ZNF267: variants seen among roughly 807,000 people sequenced by gnomAD.
ZNF267 encodes zinc finger (C2H2).
In ZNF267, 61 loss-of-function variants were observed where a neutral mutation model predicts 71.6. The ratio of observed to expected loss-of-function variants is 0.85; its 90% CI spans 0.69 to 1.05. The LOEUF (loss-of-function observed/expected upper bound fraction) is 1.05, where lower values mean the gene tolerates loss of function less well. ZNF267 is among the 50% of genes least tolerant of loss of function. The pLI is 0.00. For missense variants in ZNF267, 852 were observed against 870.0 expected, an observed-to-expected ratio of 0.98 and a Z score of 0.26; for synonymous variants, 288 against 293.2, an observed-to-expected ratio of 0.98 and a Z score of 0.18.
rs745851941 is a variant in ZNF267, at chr16:31,873,823, T to C, written c.-144T>C. ...GTCGGCTCCAGTTAGAGCTCGGGTC[T>C]CCTCGCCACAGCTCCGAGTCTTTCG... is the stretch of plus-strand genomic sequence containing the variant. On this transcript the variant is annotated 5_prime_UTR_variant, in exon 1 of 4. Coordinates refer to ENST00000300870, the MANE Select transcript of ZNF267 (RefSeq NM_003414.6). 8.6e-7 allele frequency: 1 copy of C among 1,159,318 alleles called. No homozygotes were observed. Among genetic ancestry groups the C allele is most frequent in the Non-Finnish European group, 1.3e-6 (1 of 784,346 alleles). The allele number at this position is 1,159,318 out of a possible 1,614,324, so 71.8% of individuals were successfully genotyped here.
intron 3 of ZNF267, among the ~76,000 whole-genome samples, chr16:31,892,118 G>A (rs2083964190): frequency 6.6e-6 from 1 of 152,130 alleles, no homozygotes; most frequent in Admixed American, 6.5e-5. Context: ...ATTTACAAAA[G>A]AAAGAGGTTT....
chr16:31,875,966 TCTTTTTTTG>T (rs538439524), intron 1 of ZNF267, among the ~76,000 whole-genome samples: 161 of 152,348 alleles, frequency 1.1e-3, no homozygotes, highest in African/African-American at 3.8e-3. Context: ...TCAGGTTTGT[TCTTTTTTTG>T]GGAGTAATTT....
chr16:31,915,318 A>T lies in ZNF267; in HGVS notation c.1069A>T (p.Lys357Ter). The change falls in exon 4 of 4, where the codon AAG becomes TAG. Residue 357 changes from lysine to a stop codon, truncating the protein, a stop_gained. Transcript: ENST00000300870. LOFTEE classifies it high-confidence loss of function. ...ACCCTGTAAATGGAAAGAATGTGGC[A>T]AGGTCTTTAACCTTAACTGTAGTTT... Reference protein sequence around the residue: ...EKPCKWKECGKVFNLNCSLYL... With the variant: ...EKPCKWKECG The T allele has an allele frequency of 2.5e-6, 4 of 1,613,966 alleles. No homozygotes were observed. The highest frequency in any genetic ancestry group is 3.4e-6 in the Non-Finnish European group (4 of 1,179,924).
intron 3 of ZNF267, 30 bp downstream of exon 3, chr16:31,885,286 TG>T: frequency 1.3e-6 from 2 of 1,589,102 alleles, no homozygotes; most frequent in South Asian, 2.3e-5. Flanking sequence ...GTAGATGACA[TG>T]GGCGAGAGGT....
At chr16:31,888,161 TC>T (rs1301600447) in intron 3 of ZNF267, among the ~76,000 whole-genome samples, 1 of 152,046 alleles carries the variant, frequency 6.6e-6, no homozygotes, top group Non-Finnish European at 1.5e-5. Context: ...GTAACTTTTT[TC>T]TCAGTTTATT....
chr16:31,891,822 T>C (rs903291021), intron 3 of ZNF267, among the ~76,000 whole-genome samples: 1 of 152,132 alleles, frequency 6.6e-6, no homozygotes, highest in Non-Finnish European at 1.5e-5. Flanking sequence ...AACGGAGTAA[T>C]ACAGTAAATT....
chr16:31,901,484 G>A (rs371082920), intron 3 of ZNF267, among the ~76,000 whole-genome samples: 1 of 152,118 alleles, frequency 6.6e-6, no homozygotes. Context: ...TTTAATGATC[G>A]CCATTCTAAC....
intron 2 of ZNF267, 37 bp from the exon 3 acceptor site, chr16:31,885,124 C>T (rs1219325563): frequency 5.9e-6 from 9 of 1,515,704 alleles, no homozygotes; most frequent in East Asian, 2.3e-5. Context: ...AAAAAGAACC[C>T]TCATTAAGAG....
intron 3 of ZNF267, chr16:31,913,672 T>TC (rs1460732139): frequency 6.6e-6 from 1 of 152,236 alleles, no homozygotes; most frequent in Non-Finnish European, 1.5e-5. Context: ...ACAACATCCT[T>TC]ACCACTCCTC....
intron 3 of ZNF267, chr16:31,912,168 G>A (rs1219851679): frequency 2.0e-5 from 3 of 151,582 alleles, no homozygotes; most frequent in South Asian, 4.2e-4. Context: ...ACTTCTTATT[G>A]TTCATTAACA....
At position 31,916,268 on chromosome 16, in the gene ZNF267, A is replaced by T; in HGVS notation, c.2019A>T (p.Ser673=). The T allele has an allele frequency of 1.3e-5, 21 of 1,614,152 alleles. No individual in the cohort carries two copies. Among genetic ancestry groups the T allele is most frequent in the Non-Finnish European group, 1.7e-5 (20 of 1,180,004 alleles). Residue 673 remains serine (S), a synonymous_variant, in exon 4 of 4, where the codon TCA becomes TCT. Coordinates refer to ENST00000300870, the MANE Select transcript of ZNF267 (RefSeq NM_003414.6). The part of the protein sequence containing the change: ...EECGKAFNSR[S]YLTTHRRRHT... ...GTGGCAAAGCCTTCAACTCTAGGTC[A>T]TACCTCACTACACATCGGAGAAGAC...
chr16:31,895,212 A>C (rs960872272), intron 3 of ZNF267, among the ~76,000 whole-genome samples: 2 of 152,250 alleles, frequency 1.3e-5, no homozygotes, highest in Non-Finnish European at 1.5e-5. Context: ...ATTGGTAGAC[A>C]AAGTATTTGC....
At chr16:31,903,744 G>A (rs1316322568) in intron 3 of ZNF267, among the ~76,000 whole-genome samples, 1 of 152,154 alleles carries the variant, frequency 6.6e-6, no homozygotes, top group Non-Finnish European at 1.5e-5. Flanking sequence ...CCAGCTCCTG[G>A]ATTCATTGAT....
At position 31,873,858 on chromosome 16, in the gene ZNF267, G is replaced by T; in HGVS notation, c.-109G>T. 6.8e-7 allele frequency: 1 copy of T among 1,479,722 alleles called. No homozygotes were observed. Among genetic ancestry groups the T allele is most frequent in the Non-Finnish European group, 9.4e-7 (1 of 1,060,908 alleles). The allele number at this position is 1,479,722 out of a possible 1,614,324, so 91.7% of individuals were successfully genotyped here. ...AGCTCCGAGTCTTTCGTTCTGGGAG[G>T]CCCAGGCGGCTTCGCGTTCTGAGAA... On this transcript the variant is annotated 5_prime_UTR_variant, in exon 1 of 4. Coordinates refer to ENST00000300870, the MANE Select transcript of ZNF267 (RefSeq NM_003414.6).
Position 31,915,558 on chromosome 16 carries a change from A to C in ZNF267, c.1309A>C (p.Lys437Gln), listed in dbSNP as rs1384191009. Residue 437 changes from lysine to glutamine, a missense_variant, in exon 4 of 4, where the codon AAA becomes CAA. Coordinates refer to ENST00000300870, the MANE Select transcript of ZNF267 (RefSeq NM_003414.6). The stretch of plus-strand genomic sequence containing the variant: ...AATTCATACTGGAGAGAAACCTTAT[A>C]AATGTAAAGAATGTGGAAAAGCTTT... ...KRIHTGEKPY[K>Q]CKECGKAFNR... 3.1e-6 allele frequency: 5 copies of C among 1,613,224 alleles called. 1 individual carries two copies. In the South Asian group the frequency reaches 5.5e-5, roughly 18 times the overall value.
intron 3 of ZNF267, among the ~76,000 whole-genome samples, chr16:31,892,243 C>T (rs2083965264): frequency 6.6e-6 from 1 of 152,142 alleles, no homozygotes; most frequent in African/African-American, 2.4e-5. Flanking sequence ...GGAGCTTGTG[C>T]AGATAAACTC....
At chr16:31,885,823 T>C (rs748221711) in intron 3 of ZNF267, among the ~76,000 whole-genome samples, 14 of 152,372 alleles carry the variant, frequency 9.2e-5, no homozygotes, top group South Asian at 2.1e-4. Flanking sequence ...TCTAATCTTA[T>C]GTTTCACTTC....
rs975449477 is a variant in ZNF267, at chr16:31,910,975, A to G, written c.227-3501A>G. Among the ~76,000 whole-genome samples the G allele has an allele frequency of 2.6e-5, 4 of 151,578 alleles. 1 individual carries two copies. The highest frequency in any genetic ancestry group is 9.8e-5 in the African/African-American group (4 of 41,008). On this transcript the variant is annotated intron_variant, in intron 3 of 3. Coordinates refer to ENST00000300870, the MANE Select transcript of ZNF267 (RefSeq NM_003414.6). ...ATTTTCATTGAGGAGCGTATTGTTTAATTTACATTTGTTTGTATAGTTTCC... is the reference window on the plus strand; with the variant it reads ...ATTTTCATTGAGGAGCGTATTGTTTGATTTACATTTGTTTGTATAGTTTCC...
chr16:31,915,757 G>A lies in ZNF267; in HGVS notation c.1508G>A (p.Arg503His), dbSNP rs1567240194. Residue 503 changes from arginine to histidine, a missense_variant, in exon 4 of 4, where the codon CGT becomes CAT. Transcript: ENST00000300870. ...KCKECGKVFS[R>H]SSCLTQHRKI... ...AAAGAATGTGGCAAAGTCTTTAGCC[G>A]TAGTTCTTGCCTTACTCAACATCGG... 13 of 1,612,594 alleles carry A rather than the reference G, an allele frequency of 8.1e-6. No homozygotes were observed. Among genetic ancestry groups the A allele is most frequent in the East Asian group, 2.2e-5 (1 of 44,764 alleles).
Sources: gnomAD v4.1 joint callset for allele counts (sites outside exome capture counted in the v4.1 genomes callset) on GRCh38, gnomAD v4.1.1 for gene constraint, MANE v1.5 for transcripts, NCBI Gene and HGNC (gene_info 2026-07-23, HGNC 2026-07-21) for gene names.